TEX10: variants seen among roughly 807,000 people sequenced by gnomAD.
The protein encoded by TEX10 is testis-expressed protein 10.
TEX10 carries 24 observed loss-of-function variants against 104.4 expected under a neutral mutation model. The ratio of observed to expected loss-of-function variants is 0.23; its 90% confidence interval spans 0.17 to 0.32. TEX10 has a LOEUF of 0.32. TEX10 is among the 10% of genes least tolerant of loss of function. The probability of loss-of-function intolerance (pLI) is 1.00; values close to 1 mark genes in which losing one functional copy is unlikely to be tolerated. For missense variants in TEX10, 921 were observed against 1,083.9 expected (o/e 0.85, Z 2.11); for synonymous variants, 396 against 393.4 (o/e 1.01, Z -0.08).
At position 100,346,312 on chromosome 9, in the gene TEX10, A is replaced by G. The variant is rs911565200; in HGVS notation, c.897T>C (p.Tyr299=). Residue 299 remains tyrosine (Y), a synonymous_variant, in exon 4 of 15, where the codon TAT becomes TAC. Transcript: ENST00000374902. ...PNVSSQFRLR[Y]LVGGLSGVDE... ...CCACACCACTCAGTCCTCCAACCAG[A>G]TACCTAATAAGGGTAAGAAAGAAAA... 1.2e-6 allele frequency: 2 copies of G among 1,611,804 alleles called. No homozygotes were observed. Among genetic ancestry groups the G allele is most frequent in the African/African-American group, 2.7e-5 (2 of 74,832 alleles).
At chr9:100,308,016 G>A (rs1045060716) in intron 13 of TEX10, 2 of 152,156 alleles carry the variant, frequency 1.3e-5, no homozygotes, top group South Asian at 2.1e-4. Flanking sequence ...TCCCAACTAC[G>A]CTAAAAGCTC....
intron 11 of TEX10, among the ~76,000 whole-genome samples, chr9:100,311,988 G>GA (rs964868101): frequency 2.8e-4 from 42 of 151,808 alleles, no homozygotes; most frequent in Middle Eastern, 3.4e-3. Flanking sequence ...GTGGGGGGGG[G>GA]AATCAACAGA....
intron 11 of TEX10, among the ~76,000 whole-genome samples, chr9:100,311,750 GA>G (rs1834287817): frequency 2.0e-5 from 3 of 152,068 alleles, no homozygotes; most frequent in African/African-American, 7.2e-5. Context: ...GAAGAGTCAA[GA>G]ACAGTACTAA....
chr9:100,347,678 C>T (rs1483753254), intron 2 of TEX10, among the ~76,000 whole-genome samples: 1 of 152,084 alleles, frequency 6.6e-6, no homozygotes, highest in Non-Finnish European at 1.5e-5. Flanking sequence ...AAAGTGACAG[C>T]AATCACACCA....
In TEX10 at chr9:100,352,776, G is replaced by C; in HGVS notation, c.-14C>G. 2 of 1,103,158 alleles carry C rather than the reference G, an allele frequency of 1.8e-6. No individual in the cohort carries two copies. Among genetic ancestry groups the C allele is most frequent in the East Asian group, 1.2e-4 (2 of 16,228 alleles). 68.3% of individuals were successfully genotyped at this position (1,103,158 alleles called of 1,614,324 possible). On this transcript the variant is annotated 5_prime_UTR_variant, in exon 1 of 15. Coordinates refer to ENST00000374902, the MANE Select transcript of TEX10 (RefSeq NM_017746.4). ...CGACGGGCGACGGCCGCTTACCTGAGGACCCGGCCGCGGCCGGGGCGAGAA... is the reference window on the plus strand; with the variant it reads ...CGACGGGCGACGGCCGCTTACCTGACGACCCGGCCGCGGCCGGGGCGAGAA...
intron 5 of TEX10, among the ~76,000 whole-genome samples, chr9:100,333,653 A>C (rs1834932065): frequency 6.6e-6 from 1 of 151,230 alleles, no homozygotes; most frequent in South Asian, 2.1e-4. Context: ...AAAAAAAAAA[A>C]AAACCACAAC....
chr9:100,303,177 G>C (rs1337363997), intron 14 of TEX10, among the ~76,000 whole-genome samples: 1 of 152,004 alleles, frequency 6.6e-6, no homozygotes, highest in Non-Finnish European at 1.5e-5. Flanking sequence ...ACTTTACTTG[G>C]GTTATCTCCT....
chr9:100,314,235 A>G (rs1310105062), intron 11 of TEX10, among the ~76,000 whole-genome samples: 1 of 151,790 alleles, frequency 6.6e-6, no homozygotes, highest in Admixed American at 6.6e-5. Context: ...CTACAGATGC[A>G]TGCCACCACA....
chr9:100,308,069 G>A (rs539621825), intron 13 of TEX10, among the ~76,000 whole-genome samples: 6 of 152,124 alleles, frequency 3.9e-5, no homozygotes, highest in Non-Finnish European at 7.4e-5. Flanking sequence ...CTAATTAAAA[G>A]CACTAGCATC....
rs1169280189 is a variant in TEX10, at chr9:100,302,216, G to C, written c.2765C>G (p.Pro922Arg). 3 of 1,611,878 alleles carry C rather than the reference G, an allele frequency of 1.9e-6. No homozygotes were observed. Among genetic ancestry groups the C allele is most frequent in the Non-Finnish European group, 1.7e-6 (2 of 1,178,634 alleles). ...TCAATACACTGTAGCCAGTGCACTG[G>C]GCCCTTGGGGATGCCCAGTGATATA... is the stretch of plus-strand genomic sequence containing the variant. ...NVYITGHPQG[P>R]SALATVY Residue 922 changes from proline to arginine, a missense_variant, in exon 15 of 15, where the codon CCC becomes CGC. Pro to Arg is a moderately radical substitution (Grantham distance 103, BLOSUM62 -2). This residue lies in a region of TEX10 where 753 missense variants were observed against 868.4 expected (regional missense o/e 0.87). Coordinates refer to ENST00000374902, the MANE Select transcript of TEX10 (RefSeq NM_017746.4).
intron 4 of TEX10, 38 bp downstream of exon 4, chr9:100,346,034 T>C: frequency 1.3e-6 from 2 of 1,575,340 alleles, no homozygotes; most frequent in Non-Finnish European, 1.7e-6. Flanking sequence ...GATAAAAGGC[T>C]ATTAATACTA....
chr9:100,352,371 A>C, intron 1 of TEX10: 1 of 1,551,254 alleles, frequency 6.4e-7, no homozygotes, highest in Non-Finnish European at 8.7e-7. Context: ...ACGCCAGCTC[A>C]TCCCCACTCC....
chr9:100,338,181 G>A (rs371919145), intron 5 of TEX10, among the ~76,000 whole-genome samples: 1 of 152,162 alleles, frequency 6.6e-6, no homozygotes, highest in South Asian at 2.1e-4. Flanking sequence ...CTGTTTGCTT[G>A]CTAGTTTTGT....
In TEX10 at chr9:100,349,347, TTTC is replaced by T; in HGVS notation, c.14_16del (p.Arg5del). 6.3e-7 allele frequency: 1 copy of T among 1,583,872 alleles called. No individual in the cohort carries two copies. Among genetic ancestry groups the T allele is most frequent in the Non-Finnish European group, 8.5e-7 (1 of 1,169,884 alleles). ...TACTTTTTGAAAATCATGTTGGCGT[TTTC>T]TTTTTTTAGTCATTCTCGACTACTA... is the stretch of plus-strand genomic sequence containing the variant. On this transcript the variant is annotated inframe_deletion, in exon 2 of 15. Coordinates refer to ENST00000374902, the MANE Select transcript of TEX10 (RefSeq NM_017746.4).
intron 14 of TEX10, among the ~76,000 whole-genome samples, chr9:100,303,179 TTA>T (rs1021938051): frequency 6.6e-6 from 1 of 152,136 alleles, no homozygotes; most frequent in Non-Finnish European, 1.5e-5. Flanking sequence ...TTTACTTGGG[TTA>T]TCTCCTTTAA....
At position 100,328,023 on chromosome 9, in the gene TEX10, C is replaced by CA. The variant is rs780029755; in HGVS notation, c.1626-62dup. 3.1e-3 allele frequency: 3,894 copies of CA among 1,265,070 alleles called. 1 individual carries two copies. The highest frequency in any genetic ancestry group is 3.3e-3 in the Non-Finnish European group (3,222 of 970,842). 78.4% of individuals were successfully genotyped at this position (1,265,070 alleles called of 1,614,324 possible). A position where few individuals can be genotyped will look rare whatever the true frequency, so the allele number is the denominator to read the frequency against. ...CAAAGACAAGGGAAATAAATTTAAA[C>CA]AAAAAAAAAATTTTTTTTTAACTTA... On this transcript the variant is annotated intron_variant, in intron 7 of 14. Transcript: ENST00000374902.
At chr9:100,349,863 G>A (rs548422299) in intron 1 of TEX10, among the ~76,000 whole-genome samples, 1 of 152,200 alleles carries the variant, frequency 6.6e-6, no homozygotes, top group African/African-American at 2.4e-5. Flanking sequence ...CCTAAGCTGA[G>A]CATGTGAAAA....
At chr9:100,308,704 A>C in intron 12 of TEX10, 23 bp from the exon 13 acceptor site, 2 of 1,565,836 alleles carry the variant, frequency 1.3e-6, no homozygotes, top group Non-Finnish European at 1.7e-6. Context: ...AAACGAGATT[A>C]ATCACCTCTT....
intron 5 of TEX10, among the ~76,000 whole-genome samples, chr9:100,335,338 G>A (rs1378652215): frequency 6.6e-6 from 1 of 152,072 alleles, no homozygotes; most frequent in Non-Finnish European, 1.5e-5. Context: ...GAGTATCTGG[G>A]ACTACAGGCG....
Sources: gnomAD v4.1 joint callset for allele counts (sites outside exome capture counted in the v4.1 genomes callset) on GRCh38, gnomAD v4.1.1 for gene constraint, gnomAD v4.1.1 regional missense constraint, MANE v1.5 for transcripts, NCBI Gene and HGNC (gene_info 2026-07-23, HGNC 2026-07-21) for gene names.